Variants in NF1 observed in about 807,000 individuals in gnomAD.
The protein encoded by NF1 is neurofibromin.
NF1 carries 122 observed loss-of-function variants against 325.7 expected under a neutral mutation model. The ratio of observed to expected loss-of-function variants is 0.37; its 90% CI spans 0.32 to 0.44. NF1 has a LOEUF of 0.44. Among genes scored for constraint, NF1 ranks in the 20% least tolerant of loss-of-function variants. The pLI, the probability that NF1 is intolerant of heterozygous loss-of-function variation, is 1.00. For missense variants in NF1, 2,140 were observed against 3,415.4 expected, an observed-to-expected ratio of 0.63 and a Z score of 9.31; for synonymous variants, 1,091 against 1,186.0, an observed-to-expected ratio of 0.92 and a Z score of 1.65.
intron 36 of NF1, among the ~76,000 whole-genome samples, chr17:31,294,374 C>T (rs16972168): frequency 6.6e-6 from 1 of 152,078 alleles, no homozygotes; most frequent in Non-Finnish European, 1.5e-5. Context: ...TTTTGAAGAG[C>T]TTTTGTCCAT....
At chr17:31,190,515 T>C (rs1341530691) in intron 8 of NF1, among the ~76,000 whole-genome samples, 1 of 152,248 alleles carries the variant, frequency 6.6e-6, no homozygotes, top group East Asian at 1.9e-4. Flanking sequence ...GATAGAGATC[T>C]GACACATTCC....
At chr17:31,307,849 G>A (rs921908967) in intron 36 of NF1, 2 of 1,266,890 alleles carry the variant, frequency 1.6e-6, no homozygotes, top group African/African-American at 1.5e-5. Context: ...GAGATTTGAT[G>A]TTCTGTTGGA....
At chr17:31,132,553 G>A (rs1376443251) in intron 1 of NF1, among the ~76,000 whole-genome samples, 1 of 151,918 alleles carries the variant, frequency 6.6e-6, no homozygotes, top group Non-Finnish European at 1.5e-5. Context: ...AAAATAAAAA[G>A]ACTCATTTCT....
intron 1 of NF1, 37 bp from the exon 2 acceptor site, chr17:31,155,946 A>C (rs1215125208): frequency 6.2e-7 from 1 of 1,600,840 alleles, no homozygotes; most frequent in Non-Finnish European, 8.5e-7. Flanking sequence ...TTTTAAGGAT[A>C]AGCTGTTAAC....
intron 12 of NF1, among the ~76,000 whole-genome samples, chr17:31,208,027 T>C (rs1364895162): frequency 6.6e-6 from 1 of 152,184 alleles, no homozygotes; most frequent in Non-Finnish European, 1.5e-5. Flanking sequence ...AGGTAAAATT[T>C]GATTGGTAGT....
chr17:31,354,399 T>TGATA (rs2070222514), intron 51 of NF1, among the ~76,000 whole-genome samples: 2 of 152,100 alleles, frequency 1.3e-5, no homozygotes, highest in African/African-American at 2.4e-5. Context: ...AAGCAACTGA[T>TGATA]GATACATCAT....
intron 1 of NF1, among the ~76,000 whole-genome samples, chr17:31,114,072 CAT>C (rs937160430): frequency 4.6e-5 from 7 of 152,080 alleles, no homozygotes; most frequent in African/African-American, 1.4e-4. Flanking sequence ...GTTTGAATAA[CAT>C]AGAGAAGAAG....
intron 3 of NF1, among the ~76,000 whole-genome samples, chr17:31,160,135 A>C (rs1251674134): frequency 6.6e-6 from 1 of 152,138 alleles, no homozygotes. Context: ...GCACAGGCTG[A>C]AGTGCAGTGG....
At chr17:31,099,853 G>T (rs528040324) in intron 1 of NF1, among the ~76,000 whole-genome samples, 1 of 152,032 alleles carries the variant, frequency 6.6e-6, no homozygotes, top group East Asian at 1.9e-4. Flanking sequence ...GAGCCACCAC[G>T]CCCGGCCATG....
intron 5 of NF1, among the ~76,000 whole-genome samples, chr17:31,173,398 A>T (rs1401528925): frequency 2.0e-5 from 3 of 152,058 alleles, no homozygotes; most frequent in African/African-American, 7.2e-5. Flanking sequence ...CAACAGAGTG[A>T]TACTCCGTCT....
chr17:31,338,204 A>G, intron 45 of NF1, 65 bp downstream of exon 45: 1 of 1,176,638 alleles, frequency 8.5e-7, no homozygotes, highest in African/African-American at 1.5e-5. Flanking sequence ...CATATCTTTC[A>G]TTTTTCTAAA....
intron 36 of NF1, among the ~76,000 whole-genome samples, chr17:31,269,597 C>T (rs972152949): frequency 2.0e-5 from 3 of 152,302 alleles, no homozygotes; most frequent in Admixed American, 2.0e-4. Context: ...TAGTTTCTTG[C>T]ATGACTAGCT....
intron 56 of NF1, chr17:31,359,421 CT>C (rs2070349667): frequency 5.0e-6 from 1 of 199,470 alleles, no homozygotes; most frequent in Admixed American, 5.4e-5. Context: ...ATTAATTTCT[CT>C]CTGGATTTGT....
chr17:31,372,853 A>G (rs1597881884), intron 57 of NF1, among the ~76,000 whole-genome samples: 1 of 152,202 alleles, frequency 6.6e-6, no homozygotes, highest in East Asian at 1.9e-4. Context: ...CTATCTCTAG[A>G]CAGAATTTTA....
Position 31,144,372 on chromosome 17 carries a change from T to G in NF1, c.61-11611T>G, listed in dbSNP as rs140433342. ...AAATCAGATTATGTCATTCCTTTGC[T>G]TAAATTCGTTCAGTGCCTTTTTCCC... On this transcript the variant is annotated intron_variant, in intron 1 of 57. Coordinates refer to ENST00000358273, the MANE Select transcript of NF1 (RefSeq NM_001042492.3). Among the ~76,000 whole-genome samples, 1,085 of 152,326 alleles carry G rather than the reference T, an allele frequency of 7.1e-3. 15 individuals carry two copies. Among genetic ancestry groups the G allele is most frequent in the African/African-American group, 0.025 (1,043 of 41,574 alleles).
At chr17:31,180,606 A>C (rs2066110555) in intron 5 of NF1, among the ~76,000 whole-genome samples, 1 of 152,218 alleles carries the variant, frequency 6.6e-6, no homozygotes, top group African/African-American at 2.4e-5. Context: ...CAAAATAATA[A>C]GAGCTATTTA....
At chr17:31,211,980 A>C (rs544705803) in intron 12 of NF1, among the ~76,000 whole-genome samples, 75 of 152,312 alleles carry the variant, frequency 4.9e-4, no homozygotes, top group Admixed American at 1.8e-3. Flanking sequence ...TTTATAAAAA[A>C]TATTTTTATA....
chr17:31,330,221 T>A, intron 38 of NF1, 75 bp from the exon 39 acceptor site: 1 of 1,184,046 alleles, frequency 8.4e-7, no homozygotes, highest in Non-Finnish European at 1.3e-6. Context: ...AATCACAAAT[T>A]GTATGTTATG....
chr17:31,253,675 A>G (rs371205410), intron 31 of NF1: 1 of 152,210 alleles, frequency 6.6e-6, no homozygotes, highest in Admixed American at 6.5e-5. Context: ...TGAATATACT[A>G]TCTGCTTCTA....
Sources: gnomAD v4.1 joint callset for allele counts (sites outside exome capture counted in the v4.1 genomes callset) on GRCh38, gnomAD v4.1.1 for gene constraint, MANE v1.5 for transcripts, NCBI Gene and HGNC (gene_info 2026-07-23, HGNC 2026-07-21) for gene names.